The following GHRH variants were observed in gnomAD, a reference collection of about 807,000 sequenced individuals.
GHRH encodes growth hormone releasing hormone.
A neutral mutation model predicts 15.6 loss-of-function variants in GHRH; 7 were observed. The ratio of observed to expected loss-of-function variants is 0.45; its 90% CI spans 0.26 to 0.84. The LOEUF (loss-of-function observed/expected upper bound fraction) is 0.84, where lower values mean the gene tolerates loss of function less well. Ranked by LOEUF, GHRH falls within the 40% of genes least tolerant of loss-of-function variation. The pLI is 0.18. For synonymous variants in GHRH, 54 were observed against 50.4 expected (o/e 1.07, Z -0.30); for missense variants, 117 against 138.0 (o/e 0.85, Z 0.76).
chr20:37,256,281 C>G, intron 3 of GHRH, 113 bp downstream of exon 3: 1 of 610,352 alleles, frequency 1.6e-6, no homozygotes, highest in Non-Finnish European at 2.8e-6. Flanking sequence ...CCAGAAATGA[C>G]ACTTGCTGTG....
chr20:37,253,943 G>A (rs1476868878), intron 4 of GHRH, among the ~76,000 whole-genome samples: 2 of 152,134 alleles, frequency 1.3e-5, no homozygotes, highest in African/African-American at 2.4e-5. Context: ...TAGAGACAGG[G>A]TTTTGCCATG....
chr20:37,252,264 TC>T (rs1170834126), intron 4 of GHRH, among the ~76,000 whole-genome samples: 3 of 152,182 alleles, frequency 2.0e-5, no homozygotes, highest in African/African-American at 7.2e-5. Context: ...TCTTCCCGCC[TC>T]CCAGACTGGT....
chr20:37,251,094 C>A lies in GHRH; in HGVS notation c.*119G>T. 1 of 611,204 alleles carries A rather than the reference C, an allele frequency of 1.6e-6. No homozygotes were observed. The highest frequency in any genetic ancestry group is 2.8e-6 in the Non-Finnish European group (1 of 355,556). 37.9% of individuals were successfully genotyped at this position (611,204 alleles called of 1,614,324 possible). On this transcript the variant is annotated 3_prime_UTR_variant, in exon 5 of 5. Transcript: ENST00000373614. ...CTGAAGAGAAAAGAACATTTAAATG[C>A]ACACCGGTATGGGGGAATTTTATTG... is the stretch of plus-strand genomic sequence containing the variant.
chr20:37,257,559 C>G (rs2068664901), intron 1 of GHRH, among the ~76,000 whole-genome samples: 1 of 151,842 alleles, frequency 6.6e-6, no homozygotes, highest in South Asian at 2.1e-4. Flanking sequence ...AATGGGATCC[C>G]TTAGCAAGGA....
In GHRH at chr20:37,258,439, C is replaced by T. The variant is rs896220751; in HGVS notation, c.-19-1531G>A. 3.3e-5 allele frequency among the ~76,000 whole-genome samples: 5 copies of T among 152,220 alleles called. No homozygotes were observed. The highest frequency in any genetic ancestry group is 4.1e-4 in the South Asian group (2 of 4,832). On this transcript the variant is annotated intron_variant, in intron 1 of 4. Transcript: ENST00000373614. The surrounding 1 kb of genome is among the most constrained non-coding windows in gnomAD (Gnocchi z 4.1). The stretch of plus-strand genomic sequence containing the variant: ...ACTGGCAGAACCCACCTTGCTCTCC[C>T]GGCCCTCTCAGGGTATCACCCTCCT...
intron 1 of GHRH, among the ~76,000 whole-genome samples, chr20:37,259,176 C>T (rs1166279683): frequency 1.3e-5 from 2 of 152,190 alleles, no homozygotes; most frequent in East Asian, 1.9e-4. Context: ...GGATCTACCC[C>T]GAGGGCTGGC....
At chr20:37,251,364 G>T (rs1188970667) in intron 4 of GHRH, 133 bp from the exon 5 acceptor site, 4 of 662,170 alleles carry the variant, frequency 6.0e-6, no homozygotes, top group African/African-American at 1.8e-5. Flanking sequence ...GGCAGTGTGG[G>T]GTGGAGGGAA....
chr20:37,260,570 G>A (rs1057067591), intron 1 of GHRH, among the ~76,000 whole-genome samples: 2 of 152,120 alleles, frequency 1.3e-5, no homozygotes, highest in African/African-American at 4.8e-5. Context: ...AAATGTCAGA[G>A]CAAGACCCCA....
At chr20:37,253,300 GTGTC>G (rs527376888) in intron 4 of GHRH, among the ~76,000 whole-genome samples, 21 of 152,314 alleles carry the variant, frequency 1.4e-4, no homozygotes, top group African/African-American at 3.6e-4. Context: ...TGCTGATCGT[GTGTC>G]TGCGCACACT....
Position 37,252,733 on chromosome 20 carries a change from T to A in GHRH, c.308+1477A>T, listed in dbSNP as rs142805589. ...ACTTGGCCAGCATGGTGAAACCCCATCTCTACTAAAAGTACAAAAAATTAG... is the reference window on the plus strand; with the variant it reads ...ACTTGGCCAGCATGGTGAAACCCCAACTCTACTAAAAGTACAAAAAATTAG... On this transcript the variant is annotated intron_variant, in intron 4 of 4. Coordinates refer to ENST00000373614, the MANE Select transcript of GHRH (RefSeq NM_021081.6). 7.4e-4 allele frequency among the ~76,000 whole-genome samples: 113 copies of A among 151,718 alleles called. 1 individual carries two copies. Among genetic ancestry groups the A allele is most frequent in the East Asian group, 7.0e-3 (36 of 5,136 alleles).
intron 4 of GHRH, 25 bp from the exon 5 acceptor site, chr20:37,251,256 A>G: frequency 6.3e-7 from 1 of 1,595,148 alleles, no homozygotes; most frequent in Non-Finnish European, 8.5e-7. Context: ...ATCAAGCTCA[A>G]TCCGGGGAAT....
Position 37,256,876 on chromosome 20 carries a change from A to G in GHRH, c.14T>C (p.Val5Ala), listed in dbSNP as rs978431658. ...GAGGGTGAGGATCACAAAGAAGAAC[A>G]CCCAGAGTGGCATCCTTCACCCGGG... MPLW[V>A]FFFVILTLSN... The change falls in exon 2 of 5, where the codon GTG becomes GCG. Residue 5 changes from valine to alanine, a missense_variant. Physicochemically the swap from Val to Ala is moderately conservative, Grantham distance 64 (BLOSUM62 0). Coordinates refer to ENST00000373614, the MANE Select transcript of GHRH (RefSeq NM_021081.6). 6.2e-7 allele frequency: 1 copy of G among 1,611,558 alleles called. No individual in the cohort carries two copies. The highest frequency in any genetic ancestry group is 1.3e-5 in the African/African-American group (1 of 75,024).
chr20:37,260,131 T>C (rs1299945051), intron 1 of GHRH, among the ~76,000 whole-genome samples: 1 of 151,938 alleles, frequency 6.6e-6, no homozygotes, highest in East Asian at 1.9e-4. Context: ...GTAAACACAA[T>C]ACCCCGCTCA....
At chr20:37,256,263 T>C (rs1431845051) in intron 3 of GHRH, 131 bp downstream of exon 3, 2 of 575,566 alleles carry the variant, frequency 3.5e-6, no homozygotes, top group Non-Finnish European at 6.1e-6. Flanking sequence ...CCTTTTGCTA[T>C]GGGAAGTCCA....
chr20:37,257,112 T>C (rs1319656152), intron 1 of GHRH, among the ~76,000 whole-genome samples: 2 of 152,190 alleles, frequency 1.3e-5, no homozygotes, highest in African/African-American at 4.8e-5. Flanking sequence ...TCTGACTTCA[T>C]TTTCTCCATC....
At chr20:37,255,476 T>A (rs2068649878) in intron 3 of GHRH, among the ~76,000 whole-genome samples, 1 of 151,266 alleles carries the variant, frequency 6.6e-6, no homozygotes, top group African/African-American at 2.4e-5. Context: ...CTGGCTAACA[T>A]GGTGAAACCC....
chr20:37,253,566 T>G (rs2068635600), intron 4 of GHRH, among the ~76,000 whole-genome samples: 1 of 152,158 alleles, frequency 6.6e-6, no homozygotes, highest in South Asian at 2.1e-4. Context: ...CATCAGACAC[T>G]TTCCACCCTT....
rs1305697929 is a variant in GHRH at position 37,258,359 on chromosome 20, T to C, written c.-19-1451A>G. On this transcript the variant is annotated intron_variant, in intron 1 of 4. Coordinates refer to ENST00000373614, the MANE Select transcript of GHRH (RefSeq NM_021081.6). This position sits in a 1 kb window ranked among gnomAD's most constrained non-coding sequence, Gnocchi z 4.1. ...CTTTCCCACAATCTCCTCACATGGC[T>C]TCCTTCTCTCCCACTCCTGGGTCCT... Among the ~76,000 whole-genome samples, 1 of 152,152 alleles carries C rather than the reference T, an allele frequency of 6.6e-6. No individual in the cohort carries two copies. The highest frequency in any genetic ancestry group is 1.5e-5 in the Non-Finnish European group (1 of 68,010).
At chr20:37,254,955 T>A (rs2068646514) in intron 3 of GHRH, among the ~76,000 whole-genome samples, 4 of 152,140 alleles carry the variant, frequency 2.6e-5, no homozygotes, top group Admixed American at 2.6e-4. Flanking sequence ...ATAAAGGACA[T>A]TTTGGGACAA....
Sources: gnomAD v4.1 joint callset for allele counts (sites outside exome capture counted in the v4.1 genomes callset) on GRCh38, gnomAD v4.1.1 for gene constraint, Gnocchi (gnomAD v3.1) non-coding constraint, MANE v1.5 for transcripts, NCBI Gene and HGNC (gene_info 2026-07-23, HGNC 2026-07-21) for gene names.